The following CABP7 variants were observed in gnomAD, a reference collection of about 807,000 sequenced individuals.
The protein encoded by CABP7 is calcium-binding protein 7.
A neutral mutation model predicts 23.1 loss-of-function variants in CABP7; 13 were observed. That is an observed-to-expected ratio of 0.56 (90% CI 0.37 to 0.90). CABP7 has a LOEUF of 0.90. Ranked by LOEUF, CABP7 falls within the 40% of genes least tolerant of loss-of-function variation. The pLI is 0.01. For synonymous variants in CABP7, 123 were observed against 115.3 expected (o/e 1.07, Z -0.43); for missense variants, 248 against 295.6 (o/e 0.84, Z 1.18).
rs760622867 is a variant in CABP7, at chr22:29,729,615, G to A, written c.*46G>A. ...CCACCGCATGCGGTGCCCGTGGCCC[G>A]CCCCACACCACCGCCGCCTGCAGAC... On this transcript the variant is annotated 3_prime_UTR_variant, in exon 5 of 5. Transcript: ENST00000216144. The A allele has an allele frequency of 1.0e-5, 16 of 1,596,686 alleles. No homozygotes were observed. Among genetic ancestry groups the A allele is most frequent in the East Asian group, 4.5e-5 (2 of 44,778 alleles).
Position 29,731,510 on chromosome 22 carries a change from T to G in CABP7, c.*1941T>G. 1 of 985,486 alleles carries G rather than the reference T, an allele frequency of 1.0e-6. No homozygotes were observed. The highest frequency in any genetic ancestry group is 1.4e-6 in the Non-Finnish European group (1 of 708,990). 61.0% of individuals were successfully genotyped at this position (985,486 alleles called of 1,614,324 possible). On this transcript the variant is annotated 3_prime_UTR_variant, in exon 5 of 5. Coordinates refer to ENST00000216144, the MANE Select transcript of CABP7 (RefSeq NM_182527.3). The stretch of plus-strand genomic sequence containing the variant: ...AGAGCCTCGAAAATAGGCAGACCGT[T>G]TGAGCCAGCGACCTCACCTCTAGGA...
chr22:29,729,687 G>T lies in CABP7; in HGVS notation c.*118G>T. The T allele has an allele frequency of 7.4e-7, 1 of 1,350,710 alleles. No homozygotes were observed. Among genetic ancestry groups the T allele is most frequent in the African/African-American group, 1.4e-5 (1 of 69,246 alleles). 83.7% of individuals were successfully genotyped at this position (1,350,710 alleles called of 1,614,324 possible). A position where few individuals can be genotyped will look rare whatever the true frequency, so the allele number is the denominator to read the frequency against. On this transcript the variant is annotated 3_prime_UTR_variant, in exon 5 of 5. Transcript: ENST00000216144. ...GGGCCGCCATCTGCGTGTACTTCAG[G>T]GCCTGGGTATCCAGCGAGCCCTCCC...
intron 1 of CABP7, among the ~76,000 whole-genome samples, chr22:29,722,335 A>G (rs2067767554): frequency 6.6e-6 from 1 of 152,152 alleles, no homozygotes; most frequent in African/African-American, 2.4e-5. Flanking sequence ...CTCCCCAACC[A>G]ACGACATGGC....
chr22:29,730,234 C>T lies in CABP7; in HGVS notation c.*665C>T, dbSNP rs553620642. On this transcript the variant is annotated 3_prime_UTR_variant, in exon 5 of 5. Coordinates refer to ENST00000216144, the MANE Select transcript of CABP7 (RefSeq NM_182527.3). ...GAGGCTCAGGGCCCCGAGACTTGGC[C>T]TCAGTTCTTCCTTCCACAGGGATTT... The T allele has an allele frequency of 6.5e-6, 1 of 152,966 alleles. No individual in the cohort carries two copies. Among genetic ancestry groups the T allele is most frequent in the Non-Finnish European group, 1.5e-5 (1 of 68,082 alleles). The allele number at this position is 152,966 out of a possible 1,614,324, so 9.5% of individuals were successfully genotyped here. A position where few individuals can be genotyped will look rare whatever the true frequency, so the allele number is the denominator to read the frequency against.
chr22:29,727,436 G>T lies in CABP7; in HGVS notation c.110-226G>T, dbSNP rs1244013508. Among the ~76,000 whole-genome samples the T allele has an allele frequency of 2.0e-5, 3 of 152,236 alleles. No homozygotes were observed. On this transcript the variant is annotated intron_variant, in intron 1 of 4. Transcript: ENST00000216144. This position sits in a 1 kb window ranked among gnomAD's most constrained non-coding sequence, Gnocchi z 4.2. ...CGCAATCAGATCCCAAGAGGTCACT[G>T]CTGGGGGGCCTTGAGCCCTGCTTTA...
Position 29,729,631 on chromosome 22 carries a change from G to A in CABP7, c.*62G>A, listed in dbSNP as rs5997508. On this transcript the variant is annotated 3_prime_UTR_variant, in exon 5 of 5. Transcript: ENST00000216144. ...CCGTGGCCCGCCCCACACCACCGCCGCCTGCAGACCTCTCCCTTGGCCGGC... is the reference window on the plus strand; with the variant it reads ...CCGTGGCCCGCCCCACACCACCGCCACCTGCAGACCTCTCCCTTGGCCGGC... The A allele has an allele frequency of 0.085, 134,772 of 1,587,454 alleles. 6,500 individuals carry two copies. Among genetic ancestry groups the A allele is most frequent in the African/African-American group, 0.16 (11,788 of 74,770 alleles).
intron 1 of CABP7, among the ~76,000 whole-genome samples, chr22:29,722,399 C>T (rs1438918490): frequency 2.0e-5 from 3 of 152,350 alleles, no homozygotes; most frequent in East Asian, 1.9e-4. Context: ...GTGCCCTCCC[C>T]GCTTCTCTCC....
At chr22:29,725,177 C>T (rs1374324697) in intron 1 of CABP7, among the ~76,000 whole-genome samples, 1 of 152,090 alleles carries the variant, frequency 6.6e-6, no homozygotes, top group East Asian at 1.9e-4. Context: ...CAGCTTGAGG[C>T]CCCTCTTCCA....
At position 29,731,552 on chromosome 22, in the gene CABP7, T is replaced by G; in HGVS notation, c.*1983T>G. On this transcript the variant is annotated 3_prime_UTR_variant, in exon 5 of 5. Transcript: ENST00000216144. Reference sequence around the variant, plus strand: ...CCTCTAGGAACTGAGCCCAAGGAAATAGCGGGGTTGCAGGCAGACATTGAG... The same window carrying G: ...CCTCTAGGAACTGAGCCCAAGGAAAGAGCGGGGTTGCAGGCAGACATTGAG... 1 of 593,426 alleles carries G rather than the reference T, an allele frequency of 1.7e-6. No homozygotes were observed. The highest frequency in any genetic ancestry group is 2.7e-6 in the Non-Finnish European group (1 of 368,350). 36.8% of individuals were successfully genotyped at this position (593,426 alleles called of 1,614,324 possible).
Position 29,729,702 on chromosome 22 carries a change from C to G in CABP7, c.*133C>G. On this transcript the variant is annotated 3_prime_UTR_variant, in exon 5 of 5. Transcript: ENST00000216144. ...TGTACTTCAGGGCCTGGGTATCCAG[C>G]GAGCCCTCCCCACCCACCCACGGTC... 8.5e-7 allele frequency: 1 copy of G among 1,180,226 alleles called. No individual in the cohort carries two copies. The highest frequency in any genetic ancestry group is 1.5e-5 in the African/African-American group (1 of 65,502). 73.1% of individuals were successfully genotyped at this position (1,180,226 alleles called of 1,614,324 possible). A position where few individuals can be genotyped will look rare whatever the true frequency, so the allele number is the denominator to read the frequency against.
chr22:29,731,098 C>T lies in CABP7; in HGVS notation c.*1529C>T. On this transcript the variant is annotated 3_prime_UTR_variant, in exon 5 of 5. Coordinates refer to ENST00000216144, the MANE Select transcript of CABP7 (RefSeq NM_182527.3). ...GGGCTGCACTTGGTGTGGCCGTGTCCTGAGCCTCAGTGAGGCTGGGCAGAT... is the reference window on the plus strand; with the variant it reads ...GGGCTGCACTTGGTGTGGCCGTGTCTTGAGCCTCAGTGAGGCTGGGCAGAT... 9.1e-7 allele frequency: 1 copy of T among 1,103,412 alleles called. No individual in the cohort carries two copies. Among genetic ancestry groups the T allele is most frequent in the Non-Finnish European group, 1.2e-6 (1 of 815,000 alleles). 68.4% of individuals were successfully genotyped at this position (1,103,412 alleles called of 1,614,324 possible).
intron 3 of CABP7, 98 bp downstream of exon 3, chr22:29,728,840 C>G (rs565772217): frequency 6.6e-6 from 7 of 1,059,904 alleles, no homozygotes; most frequent in African/African-American, 3.1e-5. Context: ...GGGGGGATGA[C>G]CACTTCAGGC....
rs1391370278 is a variant in CABP7, at chr22:29,720,114, G to T, written c.-311G>T. The T allele has an allele frequency of 6.8e-6, 1 of 147,932 alleles. No individual in the cohort carries two copies. The highest frequency in any genetic ancestry group is 6.7e-5 in the Admixed American group (1 of 14,880). 9.2% of individuals were successfully genotyped at this position (147,932 alleles called of 1,614,324 possible). A position where few individuals can be genotyped will look rare whatever the true frequency, so the allele number is the denominator to read the frequency against. On this transcript the variant is annotated 5_prime_UTR_variant, in exon 1 of 5. Transcript: ENST00000216144. This position sits in a 1 kb window ranked among gnomAD's most constrained non-coding sequence, Gnocchi z 5.2. ...GCGGCGAGCAGCGCGGAGCGCGCGG[G>T]GCACCGAGGAGCGGGCGCGGCGGGC...
chr22:29,729,355 C>G, intron 4 of CABP7, 87 bp from the exon 5 acceptor site: 1 of 1,581,654 alleles, frequency 6.3e-7, no homozygotes, highest in Non-Finnish European at 8.6e-7. Flanking sequence ...ATGGGATGAG[C>G]CCATGTGCCG....
Position 29,720,424 on chromosome 22 carries a change from G to C in CABP7, c.-1G>C. ...GGGCGGGCGGGCGCGGAGCCTCCAA[G>C]ATGCCGTTCCACCCGGTGACGGCGG... On this transcript the variant is annotated 5_prime_UTR_variant, in exon 1 of 5. Transcript: ENST00000216144. This position sits in a 1 kb window ranked among gnomAD's most constrained non-coding sequence, Gnocchi z 5.2. The C allele has an allele frequency of 1.3e-6, 2 of 1,520,622 alleles. No homozygotes were observed. The highest frequency in any genetic ancestry group is 1.9e-4 in the Middle Eastern group (1 of 5,256). 94.2% of individuals were successfully genotyped at this position (1,520,622 alleles called of 1,614,324 possible). A position where few individuals can be genotyped will look rare whatever the true frequency, so the allele number is the denominator to read the frequency against.
intron 3 of CABP7, 93 bp downstream of exon 3, chr22:29,728,835 GA>G: frequency 9.2e-7 from 1 of 1,085,476 alleles, no homozygotes; most frequent in Non-Finnish European, 1.4e-6. Context: ...GTAAAGGGGG[GA>G]TGACCACTTC....
Position 29,727,792 on chromosome 22 carries a change from G to T in CABP7, c.240G>T (p.Arg80=). The T allele has an allele frequency of 1.2e-6, 2 of 1,610,424 alleles. No homozygotes were observed. The highest frequency in any genetic ancestry group is 4.5e-5 in the East Asian group (2 of 44,738). Residue 80 remains arginine, a synonymous_variant, in exon 2 of 5, where the codon CGG becomes CGT. Transcript: ENST00000216144. This position sits in a 1 kb window ranked among gnomAD's most constrained non-coding sequence, Gnocchi z 4.2. ...NEVELEVIIQ[R]LDMDGDGQVD... ...TGGAGCTGGAGGTCATCATCCAGCG[G>T]CTGGACATGGATGGTGAGCACCCCC...
In CABP7 at chr22:29,727,791, G is replaced by A. The variant is rs145652160; in HGVS notation, c.239G>A (p.Arg80Gln). The change falls in exon 2 of 5, where the codon CGG (arginine) becomes CAG (glutamine). Residue 80 changes from arginine to glutamine, a missense_variant. Coordinates refer to ENST00000216144, the MANE Select transcript of CABP7 (RefSeq NM_182527.3). The surrounding 1 kb of genome is among the most constrained non-coding windows in gnomAD (Gnocchi z 4.2). ...NEVELEVIIQRLDMDGDGQVD... is the reference protein window; with the variant it reads ...NEVELEVIIQQLDMDGDGQVD... ...GTGGAGCTGGAGGTCATCATCCAGC[G>A]GCTGGACATGGATGGTGAGCACCCC... 24 of 1,610,480 alleles carry A rather than the reference G, an allele frequency of 1.5e-5. No homozygotes were observed. Among genetic ancestry groups the A allele is most frequent in the Non-Finnish European group, 1.7e-5 (20 of 1,178,286 alleles).
intron 1 of CABP7, among the ~76,000 whole-genome samples, chr22:29,723,111 A>T (rs2067772883): frequency 6.6e-6 from 1 of 152,196 alleles, no homozygotes; most frequent in Admixed American, 6.5e-5. Context: ...TCAGGGACCC[A>T]GATGCAACAT....
Sources: allele counts gnomAD v4.1 joint callset (sites outside exome capture counted in the v4.1 genomes callset), GRCh38; gene constraint gnomAD v4.1.1; non-coding constraint Gnocchi (gnomAD v3.1); transcripts MANE v1.5; gene names NCBI Gene and HGNC (gene_info 2026-07-23, HGNC 2026-07-21).